The following DTD1 variants were observed in gnomAD, a reference collection of about 807,000 sequenced individuals.
DTD1 encodes D-aminoacyl-tRNA deacylase 1.
Under a neutral mutation model 25.6 loss-of-function variants are expected in DTD1, and 13 were observed. The observed-to-expected ratio is 0.51, with a 90% confidence interval of 0.33 to 0.81. The LOEUF (loss-of-function observed/expected upper bound fraction) is 0.81. DTD1 is among the 30% of genes least tolerant of loss of function. The pLI is 0.02. For missense variants in DTD1, 193 were observed against 266.4 expected, an observed-to-expected ratio of 0.72 and a Z score of 1.92; for synonymous variants, 110 against 103.6, an observed-to-expected ratio of 1.06 and a Z score of -0.37.
chr20:18,734,066 A>G (rs995512873), intron 4 of DTD1, among the ~76,000 whole-genome samples: 22 of 152,240 alleles, frequency 1.4e-4, no homozygotes, highest in Non-Finnish European at 2.4e-4. Flanking sequence ...TCACATATAA[A>G]TTCCAATTGT....
intron 5 of DTD1, among the ~76,000 whole-genome samples, chr20:18,752,297 C>T (rs754921800): frequency 6.6e-6 from 1 of 152,174 alleles, no homozygotes; most frequent in Admixed American, 6.5e-5. Flanking sequence ...GTTCTCTCTT[C>T]TCCTTTTGGT....
chr20:18,664,992 A>T (rs1336386126), intron 4 of DTD1, among the ~76,000 whole-genome samples: 2 of 152,202 alleles, frequency 1.3e-5, no homozygotes, highest in African/African-American at 4.8e-5. Context: ...TCAGAAAAAA[A>T]ATAATAAAAA....
chr20:18,743,976 T>G (rs894436067), intron 4 of DTD1, 124 bp from the exon 5 acceptor site: 3 of 981,796 alleles, frequency 3.1e-6, no homozygotes, highest in South Asian at 3.5e-5. Flanking sequence ...TGAACCACTG[T>G]GCTCTGCCAG....
At chr20:18,714,901 G>A (rs750514252) in intron 4 of DTD1, among the ~76,000 whole-genome samples, 3 of 152,282 alleles carry the variant, frequency 2.0e-5, no homozygotes, top group South Asian at 2.1e-4. Context: ...TCAGCCAAAC[G>A]CCTGTGTTTG....
intron 5 of DTD1, among the ~76,000 whole-genome samples, chr20:18,757,978 C>T (rs888764131): frequency 6.6e-6 from 1 of 152,198 alleles, no homozygotes; most frequent in African/African-American, 2.4e-5. Context: ...AGAGATTCAA[C>T]TTCCTCCTGG....
chr20:18,746,180 G>A (rs575578844), intron 5 of DTD1, among the ~76,000 whole-genome samples: 4 of 152,256 alleles, frequency 2.6e-5, no homozygotes, highest in African/African-American at 7.2e-5. Flanking sequence ...TGAGTCTGTG[G>A]CTTTAGAGCT....
At chr20:18,740,256 T>C (rs1177540898) in intron 4 of DTD1, among the ~76,000 whole-genome samples, 1 of 151,888 alleles carries the variant, frequency 6.6e-6, no homozygotes, top group Non-Finnish European at 1.5e-5. Flanking sequence ...TGAGATTACT[T>C]AGCAAGGGGG....
intron 4 of DTD1, chr20:18,674,293 A>T (rs1329633740): frequency 6.6e-6 from 1 of 152,218 alleles, no homozygotes. Flanking sequence ...GAGAAGAGGT[A>T]GAGAGGGGAA....
At chr20:18,693,104 G>C (rs1568671060) in intron 4 of DTD1, among the ~76,000 whole-genome samples, 1 of 151,866 alleles carries the variant, frequency 6.6e-6, no homozygotes, top group Non-Finnish European at 1.5e-5. Context: ...TGTGGGCAAG[G>C]CTGGTCTCCA....
intron 2 of DTD1, 88 bp from the exon 3 acceptor site, chr20:18,595,918 C>A: frequency 8.7e-7 from 1 of 1,143,944 alleles, no homozygotes. Context: ...CCTTATTTGA[C>A]CGGAAGCTGG....
intron 4 of DTD1, among the ~76,000 whole-genome samples, chr20:18,638,206 TCCATCCATCTATCCATCCACTC>T (rs2060815340): frequency 2.5e-5 from 2 of 80,642 alleles, no homozygotes; most frequent in African/African-American, 8.8e-5. Flanking sequence ...CATCCATCCA[TCCATCCATCTATCCATCCACTC>T]ACCTGTCCAC....
At chr20:18,686,678 T>TGTGTG (rs1568668934) in intron 4 of DTD1, among the ~76,000 whole-genome samples, 7 of 133,198 alleles carry the variant, frequency 5.3e-5, no homozygotes, top group African/African-American at 1.1e-4. Flanking sequence ...GTGTGTGTGG[T>TGTGTG]GTGTGTGTGC....
chr20:18,589,920 G>A (rs992354966), intron 1 of DTD1, among the ~76,000 whole-genome samples: 3 of 124,092 alleles, frequency 2.4e-5, no homozygotes, highest in Non-Finnish European at 3.7e-5. Context: ...TTGGGGAACT[G>A]TGGAATTCTG....
intron 3 of DTD1, among the ~76,000 whole-genome samples, chr20:18,612,074 G>A (rs2060689220): frequency 8.0e-6 from 1 of 125,552 alleles, no homozygotes; most frequent in Non-Finnish European, 1.6e-5. Flanking sequence ...TAGCTCTGTC[G>A]CCCAGGCTGG....
chr20:18,701,125 A>G (rs1417266029), intron 4 of DTD1, among the ~76,000 whole-genome samples: 1 of 152,222 alleles, frequency 6.6e-6, no homozygotes, highest in Non-Finnish European at 1.5e-5. Context: ...GGGCATTGGC[A>G]GGGTTCTGTT....
At chr20:18,751,045 C>T (rs895249565) in intron 5 of DTD1, among the ~76,000 whole-genome samples, 2 of 149,752 alleles carry the variant, frequency 1.3e-5, no homozygotes, top group African/African-American at 4.9e-5. Context: ...CACACTTCTT[C>T]CTAATGAGCT....
At chr20:18,687,957 G>A (rs1290290579) in intron 4 of DTD1, among the ~76,000 whole-genome samples, 1 of 152,186 alleles carries the variant, frequency 6.6e-6, no homozygotes, top group Non-Finnish European at 1.5e-5. Context: ...CTTTAAGCAA[G>A]GTATCATCGC....
chr20:18,725,323 TG>T (rs2061219341), intron 4 of DTD1, among the ~76,000 whole-genome samples: 1 of 152,236 alleles, frequency 6.6e-6, no homozygotes, highest in Non-Finnish European at 1.5e-5. Context: ...GATGGAAAGC[TG>T]CTTCCACCTG....
intron 4 of DTD1, among the ~76,000 whole-genome samples, chr20:18,705,379 C>T (rs2061122269): frequency 1.3e-5 from 2 of 152,166 alleles, no homozygotes; most frequent in Admixed American, 1.3e-4. Flanking sequence ...CCACTTGCAT[C>T]CCCACAGCAA....
Sources: allele counts gnomAD v4.1 joint callset (sites outside exome capture counted in the v4.1 genomes callset), GRCh38; gene constraint gnomAD v4.1.1; transcripts MANE v1.5; gene names NCBI Gene and HGNC (gene_info 2026-07-23, HGNC 2026-07-21).